Variants in YAP1 observed in about 807,000 individuals in gnomAD.
YAP1 encodes transcriptional coactivator YAP1.
In YAP1, 5 loss-of-function variants were observed where a neutral mutation model predicts 56.9. That is an observed-to-expected ratio of 0.09 (90% confidence interval 0.05 to 0.18). The LOEUF is 0.18. Among genes scored for constraint, YAP1 ranks in the 10% least tolerant of loss-of-function variants. YAP1 has a pLI of 1.00. For missense variants in YAP1, 539 were observed against 651.8 expected, an observed-to-expected ratio of 0.83 and a Z score of 1.88; for synonymous variants, 265 against 248.1, an observed-to-expected ratio of 1.07 and a Z score of -0.64.
intron 3 of YAP1, among the ~76,000 whole-genome samples, chr11:102,178,888 A>G (rs1224769233): frequency 6.6e-6 from 1 of 152,208 alleles, no homozygotes; most frequent in Non-Finnish European, 1.5e-5. Flanking sequence ...GAAGCTTACA[A>G]TCCTAGCAAA....
chr11:102,123,788 C>T (rs1298147927), intron 2 of YAP1, among the ~76,000 whole-genome samples: 2 of 151,274 alleles, frequency 1.3e-5, no homozygotes, highest in African/African-American at 4.9e-5. Flanking sequence ...TACAGGCACC[C>T]ACCACCGCGC....
chr11:102,118,346 A>G (rs1342485454), intron 2 of YAP1, among the ~76,000 whole-genome samples: 1 of 152,054 alleles, frequency 6.6e-6, no homozygotes, highest in East Asian at 1.9e-4. Flanking sequence ...TTTAAAAAGG[A>G]TATGTTTTTC....
intron 2 of YAP1, among the ~76,000 whole-genome samples, chr11:102,138,963 T>C (rs1301262190): frequency 6.6e-6 from 1 of 152,214 alleles, no homozygotes; most frequent in Non-Finnish European, 1.5e-5. Context: ...TAAGGAGCAC[T>C]GCTTCACTGG....
chr11:102,227,387 G>C, intron 7 of YAP1, 82 bp from the exon 8 acceptor site: 1 of 899,956 alleles, frequency 1.1e-6, no homozygotes, highest in African/African-American at 1.7e-5. Flanking sequence ...GAATTATGTT[G>C]CTGCTCAGCA....
At chr11:102,191,747 A>ATCTCAGT (rs1295194328) in intron 4 of YAP1, among the ~76,000 whole-genome samples, 1 of 152,044 alleles carries the variant, frequency 6.6e-6, no homozygotes, top group African/African-American at 2.4e-5. Flanking sequence ...GCATGGCTCA[A>ATCTCAGT]TCTCAGTTCA....
intron 6 of YAP1, among the ~76,000 whole-genome samples, chr11:102,223,332 G>A (rs987341763): frequency 6.6e-6 from 1 of 151,868 alleles, no homozygotes; most frequent in Middle Eastern, 3.4e-3. Flanking sequence ...GGAGGATTTG[G>A]GAGTATCTTC....
rs561878316 is a variant in YAP1, at chr11:102,189,409, A to G, written c.802+3278A>G. 2.6e-5 allele frequency among the ~76,000 whole-genome samples: 4 copies of G among 152,328 alleles called. No homozygotes were observed. The South Asian group carries it at 6.2e-4, about 24-fold the overall frequency. On this transcript the variant is annotated intron_variant, in intron 4 of 8. Transcript: ENST00000282441. ...TTTAATGTTATTTTCGCTATTGTTT[A>G]TATTATAAAAAGATGTATTAAAATA...
intron 6 of YAP1, among the ~76,000 whole-genome samples, chr11:102,219,050 T>G (rs1342970105): frequency 6.6e-6 from 1 of 152,210 alleles, no homozygotes; most frequent in Non-Finnish European, 1.5e-5. Flanking sequence ...TAGTTATGAC[T>G]TACAGTTTAG....
At chr11:102,172,145 A>G (rs1471789015) in intron 3 of YAP1, among the ~76,000 whole-genome samples, 1 of 149,988 alleles carries the variant, frequency 6.7e-6, no homozygotes, top group Non-Finnish European at 1.5e-5. Context: ...GTGAGCTGAG[A>G]TTGTGTCACT....
chr11:102,213,329 C>A (rs1048029853), intron 6 of YAP1, among the ~76,000 whole-genome samples: 1 of 151,988 alleles, frequency 6.6e-6, no homozygotes, highest in South Asian at 2.1e-4. Context: ...ACTAAAAATA[C>A]GGAAATTAGC....
intron 3 of YAP1, among the ~76,000 whole-genome samples, chr11:102,181,761 G>T (rs1033176490): frequency 6.6e-6 from 1 of 152,198 alleles, no homozygotes; most frequent in African/African-American, 2.4e-5. Context: ...GTATAACTCA[G>T]ATAAATTTGA....
chr11:102,118,940 C>T (rs1943478389), intron 2 of YAP1, among the ~76,000 whole-genome samples: 1 of 151,954 alleles, frequency 6.6e-6, no homozygotes, highest in South Asian at 2.1e-4. Context: ...CCCAGAGTTT[C>T]CCTTTAAAAC....
chr11:102,124,570 T>C (rs1361433785), intron 2 of YAP1, among the ~76,000 whole-genome samples: 1 of 152,200 alleles, frequency 6.6e-6, no homozygotes, highest in African/African-American at 2.4e-5. Context: ...TCTTCCAGTC[T>C]GTTTTATCTG....
intron 4 of YAP1, among the ~76,000 whole-genome samples, chr11:102,192,215 C>T (rs1382252713): frequency 1.3e-5 from 2 of 152,158 alleles, no homozygotes; most frequent in Non-Finnish European, 2.9e-5. Context: ...CAGCTCTAAT[C>T]CCAGCAGTGT....
At chr11:102,157,816 A>G (rs1565211800) in intron 2 of YAP1, among the ~76,000 whole-genome samples, 1 of 152,226 alleles carries the variant, frequency 6.6e-6, no homozygotes, top group Non-Finnish European at 1.5e-5. Flanking sequence ...GTGTCTGAGC[A>G]GGTCACTATC....
intron 2 of YAP1, among the ~76,000 whole-genome samples, chr11:102,127,549 G>A (rs1443017173): frequency 6.6e-6 from 1 of 152,242 alleles, no homozygotes; most frequent in Non-Finnish European, 1.5e-5. Context: ...ATGCCTGGAT[G>A]TGTGGGCAAA....
At chr11:102,144,721 A>G (rs929429317) in intron 2 of YAP1, among the ~76,000 whole-genome samples, 1 of 152,178 alleles carries the variant, frequency 6.6e-6, no homozygotes, top group East Asian at 1.9e-4. Flanking sequence ...AAATTATTTA[A>G]TAGAAATATT....
At chr11:102,186,814 A>ATGTGTGTGTT (rs1555013229) in intron 4 of YAP1, 1 of 138,418 alleles carries the variant, frequency 7.2e-6, no homozygotes, top group African/African-American at 2.7e-5. Flanking sequence ...TTTTTAAAAA[A>ATGTGTGTGTT]TGTGTGTGTG....
At position 102,233,133 on chromosome 11, in the gene YAP1, T is replaced by G. The variant is rs1669290046; in HGVS notation, c.*3193T>G. 6.6e-6 allele frequency: 1 copy of G among 152,214 alleles called. No homozygotes were observed. The highest frequency in any genetic ancestry group is 1.5e-5 in the Non-Finnish European group (1 of 68,038). 9.4% of individuals were successfully genotyped at this position (152,214 alleles called of 1,614,324 possible). A position where few individuals can be genotyped will look rare whatever the true frequency, so the allele number is the denominator to read the frequency against. On this transcript the variant is annotated 3_prime_UTR_variant, in exon 9 of 9. Transcript: ENST00000282441. ...GAAATGAGTGCTCAGGTGGATTTTA[T>G]CCTCGCAAGCATGTTGTTATAAGAA...
Sources: allele counts gnomAD v4.1 joint callset (sites outside exome capture counted in the v4.1 genomes callset), GRCh38; gene constraint gnomAD v4.1.1; transcripts MANE v1.5; gene names NCBI Gene and HGNC (gene_info 2026-07-23, HGNC 2026-07-21).